Variants in CYLD observed in about 807,000 individuals in gnomAD.
CYLD encodes the protein ubiquitin carboxyl-terminal hydrolase CYLD.
In CYLD, 26 loss-of-function variants were observed where a neutral mutation model predicts 104.5. That is an observed-to-expected ratio of 0.25 (90% CI 0.18 to 0.35). The LOEUF is 0.35. CYLD is among the 10% of genes least tolerant of loss of function. The pLI, the probability that CYLD is intolerant of heterozygous loss-of-function variation, is 1.00. For missense variants in CYLD, 703 were observed against 1,136.1 expected (o/e 0.62, Z 5.48); for synonymous variants, 385 against 399.9 (o/e 0.96, Z 0.45).
At chr16:50,755,146 TGTGTGTATATAC>T (rs1252316798) in intron 5 of CYLD, among the ~76,000 whole-genome samples, 21 of 33,126 alleles carry the variant, frequency 6.3e-4, no homozygotes, top group African/African-American at 3.5e-3. Flanking sequence ...CGTGTACATA[TGTGTGTATATAC>T]ACACGTGTAC....
chr16:50,742,888 TG>T, intron 2 of CYLD, 47 bp downstream of exon 2: 2 of 16,104 alleles, frequency 1.2e-4, no homozygotes, highest in Non-Finnish European at 2.1e-4. Context: ...TCGAGGGGGG[TG>T]GGGGGCGAAT....
At chr16:50,753,848 G>A (rs1442764195) in intron 4 of CYLD, among the ~76,000 whole-genome samples, 2 of 152,150 alleles carry the variant, frequency 1.3e-5, no homozygotes, top group Non-Finnish European at 2.9e-5. Context: ...GACTTTTTAT[G>A]TACAGAAAGG....
At chr16:50,758,133 G>A (rs1184660965) in intron 5 of CYLD, among the ~76,000 whole-genome samples, 1 of 152,186 alleles carries the variant, frequency 6.6e-6, no homozygotes, top group Non-Finnish European at 1.5e-5. Context: ...TGAGGAGGAA[G>A]GGAGCACTAG....
intron 3 of CYLD, 83 bp from the exon 4 acceptor site, chr16:50,751,521 T>C (rs1246136515): frequency 5.0e-6 from 6 of 1,195,204 alleles, no homozygotes; most frequent in Non-Finnish European, 4.8e-6. Context: ...CAGAGTGATT[T>C]TCCTGAAATC....
intron 4 of CYLD, 101 bp downstream of exon 4, chr16:50,752,007 C>A: frequency 2.3e-5 from 4 of 177,276 alleles, no homozygotes; most frequent in Non-Finnish European, 3.6e-5. Flanking sequence ...TATATATACA[C>A]ACATATATAT....
rs1449094770 is a variant in CYLD, at chr16:50,799,228, T to C, written c.*2720T>C. On this transcript the variant is annotated 3_prime_UTR_variant, in exon 19 of 19. Coordinates refer to ENST00000427738, the MANE Select transcript of CYLD (RefSeq NM_001378743.1). ...ATCTTATTTATAACACGGTTCGTGA[T>C]TCATGATTCATGATTACAAGTAGAA... is the stretch of plus-strand genomic sequence containing the variant. The C allele has an allele frequency of 4.3e-6, 1 of 233,324 alleles. No homozygotes were observed. The highest frequency in any genetic ancestry group is 2.2e-5 in the African/African-American group (1 of 45,368). 14.5% of individuals were successfully genotyped at this position (233,324 alleles called of 1,614,324 possible).
intron 3 of CYLD, among the ~76,000 whole-genome samples, chr16:50,750,469 G>A (rs1361184789): frequency 6.6e-6 from 1 of 152,186 alleles, no homozygotes. Flanking sequence ...AGAACTCTGT[G>A]ATATGTTTCC....
intron 14 of CYLD, 48 bp downstream of exon 14, chr16:50,787,900 A>C: frequency 9.5e-7 from 1 of 1,050,010 alleles, no homozygotes. Flanking sequence ...GACAATTCTC[A>C]TTTCTACTGC....
At position 50,796,520 on chromosome 16, in the gene CYLD, G is replaced by C; in HGVS notation, c.*12G>C. 6.2e-7 allele frequency: 1 copy of C among 1,611,660 alleles called. No homozygotes were observed. Among genetic ancestry groups the C allele is most frequent in the Non-Finnish European group, 8.5e-7 (1 of 1,179,868 alleles). ...GTTTGTACAAATAACTGGGGTCATC[G>C]GGAAAGGCAAAGAAACTGAAGGCAG... On this transcript the variant is annotated 3_prime_UTR_variant, in exon 19 of 19. Transcript: ENST00000427738.
intron 5 of CYLD, among the ~76,000 whole-genome samples, chr16:50,755,019 ATATACATATATATG>A (rs1966896942): frequency 9.7e-6 from 1 of 103,184 alleles, no homozygotes; most frequent in Non-Finnish European, 2.0e-5. Context: ...ATATATGTAT[ATATACATATATATG>A]TATATATACA....
In CYLD at chr16:50,796,614, T is replaced by C. The variant is rs1402797576; in HGVS notation, c.*106T>C. On this transcript the variant is annotated 3_prime_UTR_variant, in exon 19 of 19. Transcript: ENST00000427738. The stretch of plus-strand genomic sequence containing the variant: ...GTCCATTGCCGGCAATGGATGTCTT[T>C]GTGGTGATGATCCTTCAGAAAAGGA... The C allele has an allele frequency of 7.0e-6, 8 of 1,140,834 alleles. No individual in the cohort carries two copies. The highest frequency in any genetic ancestry group is 1.0e-5 in the Non-Finnish European group (8 of 766,480). 70.7% of individuals were successfully genotyped at this position (1,140,834 alleles called of 1,614,324 possible).
In CYLD at chr16:50,791,545, T is replaced by G. The variant is rs375655492; in HGVS notation, c.2109-13T>G. On this transcript the variant is annotated splice_polypyrimidine_tract_variant and intron_variant, in intron 14 of 18. Transcript: ENST00000427738. The stretch of plus-strand genomic sequence containing the variant: ...AATAGGTTGTATGTATTTTTTTCTC[T>G]GCGTGTTTTTAGATCAGCAGGTCAA... The G allele has an allele frequency of 3.1e-6, 5 of 1,613,446 alleles. No homozygotes were observed. In the African/African-American group the frequency reaches 6.7e-5, roughly 22 times the overall value.
chr16:50,791,452 A>G, intron 14 of CYLD, 106 bp from the exon 15 acceptor site: 1 of 1,172,990 alleles, frequency 8.5e-7, no homozygotes, highest in Non-Finnish European at 1.3e-6. Flanking sequence ...CTACACCATC[A>G]ATTTTATGGT....
intron 12 of CYLD, chr16:50,784,957 T>G (rs1030505044): frequency 1.3e-5 from 2 of 154,730 alleles, no homozygotes; most frequent in African/African-American, 4.8e-5. Flanking sequence ...AAGGAATATA[T>G]TTGGCCTCTT....
chr16:50,788,484 C>T (rs371635026), intron 14 of CYLD, among the ~76,000 whole-genome samples: 18 of 152,226 alleles, frequency 1.2e-4, no homozygotes, highest in African/African-American at 1.7e-4. Flanking sequence ...TAAGCATAGA[C>T]GAGCACTCTT....
chr16:50,759,384 A>G (rs1226392615), intron 5 of CYLD, among the ~76,000 whole-genome samples: 1 of 152,154 alleles, frequency 6.6e-6, no homozygotes, highest in African/African-American at 2.4e-5. Flanking sequence ...CACCTGCAAT[A>G]CCTTGTTTTC....
chr16:50,752,343 C>T (rs1368048239), intron 4 of CYLD, among the ~76,000 whole-genome samples: 1 of 152,016 alleles, frequency 6.6e-6, no homozygotes, highest in South Asian at 2.1e-4. Context: ...TTGGGGTACT[C>T]CATTTTTTTG....
Position 50,794,582 on chromosome 16 carries a change from A to G in CYLD, c.2686+154A>G. ...CAGTCTTATATCTTGGATTGCATTA[A>G]CAACCTTGCTAGCTGAACTAAGGAA... On this transcript the variant is annotated intron_variant, in intron 18 of 18. Transcript: ENST00000427738. The surrounding 1 kb of genome is among the most constrained non-coding windows in gnomAD (Gnocchi z 4.1). 1.3e-6 allele frequency: 1 copy of G among 772,598 alleles called. No individual in the cohort carries two copies. Among genetic ancestry groups the G allele is most frequent in the South Asian group, 1.4e-5 (1 of 70,680 alleles). 47.9% of individuals were successfully genotyped at this position (772,598 alleles called of 1,614,324 possible). A position where few individuals can be genotyped will look rare whatever the true frequency, so the allele number is the denominator to read the frequency against.
At chr16:50,786,544 G>A in intron 12 of CYLD, 1 of 294,042 alleles carries the variant, frequency 3.4e-6, no homozygotes, top group South Asian at 3.5e-5. Flanking sequence ...CGGATCACTT[G>A]AGGCCAGGAG....
Sources: gnomAD v4.1 joint callset for allele counts (sites outside exome capture counted in the v4.1 genomes callset) on GRCh38, gnomAD v4.1.1 for gene constraint, Gnocchi (gnomAD v3.1) non-coding constraint, MANE v1.5 for transcripts, NCBI Gene and HGNC (gene_info 2026-07-23, HGNC 2026-07-21) for gene names.